LONRF1: variants seen among roughly 807,000 people sequenced by gnomAD.
LONRF1 encodes LON peptidase N-terminal domain and RING finger protein 1.
A neutral mutation model predicts 85.8 loss-of-function variants in LONRF1; 37 were observed. That is an observed-to-expected ratio of 0.43 (90% CI 0.33 to 0.57). LONRF1 has a LOEUF of 0.57. Among genes scored for constraint, LONRF1 ranks in the 20% least tolerant of loss-of-function variants. The pLI, the probability that LONRF1 is intolerant of heterozygous loss-of-function variation, is 0.04. For missense variants in LONRF1, 1,036 were observed against 978.0 expected (o/e 1.06, Z -0.79); for synonymous variants, 517 against 390.1 (o/e 1.33, Z -3.83).
chr8:12,749,482 C>G (rs1799293659), intron 1 of LONRF1, among the ~76,000 whole-genome samples: 1 of 152,128 alleles, frequency 6.6e-6, no homozygotes, highest in African/African-American at 2.4e-5. Flanking sequence ...TATACAAATT[C>G]ATTTAAAATT....
At chr8:12,734,448 G>C (rs1259233891) in intron 7 of LONRF1, among the ~76,000 whole-genome samples, 1 of 152,128 alleles carries the variant, frequency 6.6e-6, no homozygotes, top group African/African-American at 2.4e-5. Flanking sequence ...ACCAGAGACA[G>C]AATCACTTTC....
chr8:12,749,365 C>A (rs961714080), intron 1 of LONRF1, among the ~76,000 whole-genome samples: 14 of 152,094 alleles, frequency 9.2e-5, no homozygotes, highest in Non-Finnish European at 5.9e-5. Flanking sequence ...AAAGAAAAAA[C>A]CAAACAGAAG....
At chr8:12,724,695 CTGTTT>C (rs1806088293) in intron 11 of LONRF1, among the ~76,000 whole-genome samples, 1 of 152,180 alleles carries the variant, frequency 6.6e-6, no homozygotes, top group Non-Finnish European at 1.5e-5. Flanking sequence ...TTTCTATAAG[CTGTTT>C]TGTTATTTAA....
chr8:12,752,374 G>C (rs1020560247), intron 1 of LONRF1, among the ~76,000 whole-genome samples: 3 of 152,104 alleles, frequency 2.0e-5, no homozygotes, highest in Admixed American at 6.6e-5. Context: ...ACTCTAATTT[G>C]TTAGCTCTGA....
chr8:12,730,923 TTAAA>T (rs2117246618), intron 8 of LONRF1, among the ~76,000 whole-genome samples: 1 of 152,316 alleles, frequency 6.6e-6, no homozygotes, highest in East Asian at 1.9e-4. Flanking sequence ...CAAAAAGTTG[TTAAA>T]TAAAACAGCA....
At chr8:12,723,514 C>T (rs772083431) in intron 11 of LONRF1, among the ~76,000 whole-genome samples, 3 of 152,220 alleles carry the variant, frequency 2.0e-5, no homozygotes, top group African/African-American at 4.8e-5. Context: ...AGTCAACACA[C>T]GCTCTTTCCT....
Position 12,726,037 on chromosome 8 carries a change from T to C in LONRF1, c.2011-158A>G, listed in dbSNP as rs750694278. On this transcript the variant is annotated intron_variant, in intron 10 of 11. Coordinates refer to ENST00000398246, the MANE Select transcript of LONRF1 (RefSeq NM_152271.5). ...TATTATTCCTATGCTTTAATACACATTTCTGTCTCATATAGGGCTGACCAG... is the reference window on the plus strand; with the variant it reads ...TATTATTCCTATGCTTTAATACACACTTCTGTCTCATATAGGGCTGACCAG... 30 of 614,068 alleles carry C rather than the reference T, an allele frequency of 4.9e-5. No individual in the cohort carries two copies. The Middle Eastern group carries it at 3.6e-3, about 74-fold the overall frequency. 38.0% of individuals were successfully genotyped at this position (614,068 alleles called of 1,614,324 possible).
Position 12,754,779 on chromosome 8 carries a change from CG to C in LONRF1, c.641del (p.Ala214GlyfsTer32). ...WFPGQRERAR[A>X]AGRLGELLHQ... ...GCAGTAGCTCCCCGAGCCTGCCGGC[CG>C]CCCGGGCCCGCTCGCGCTGGCCCGG... is the stretch of plus-strand genomic sequence containing the variant. On this transcript the variant is annotated frameshift_variant, in exon 1 of 12. Coordinates refer to ENST00000398246, the MANE Select transcript of LONRF1 (RefSeq NM_152271.5). LOFTEE classifies it high-confidence loss of function. 1 of 1,474,008 alleles carries C rather than the reference CG, an allele frequency of 6.8e-7. No homozygotes were observed. The highest frequency in any genetic ancestry group is 8.9e-7 in the Non-Finnish European group (1 of 1,120,734). The allele number at this position is 1,474,008 out of a possible 1,614,324, so 91.3% of individuals were successfully genotyped here. A position where few individuals can be genotyped will look rare whatever the true frequency, so the allele number is the denominator to read the frequency against.
intron 1 of LONRF1, among the ~76,000 whole-genome samples, chr8:12,746,333 C>A (rs559107483): frequency 6.6e-6 from 1 of 152,212 alleles, no homozygotes; most frequent in African/African-American, 2.4e-5. Context: ...CCTTCCCACT[C>A]ACTCAAAGTC....
rs1798606962 is a variant in LONRF1, at chr8:12,733,533, G to C, written c.1567-1676C>G. ...TTTTCTTTCAAGTTTTTCTTCCATT[G>C]TCACCCACTACTGAGTAGAGGAGCA... On this transcript the variant is annotated intron_variant, in intron 7 of 11. Transcript: ENST00000398246. Among the ~76,000 whole-genome samples the C allele has an allele frequency of 2.0e-5, 3 of 152,116 alleles. No homozygotes were observed. The South Asian group carries it at 6.2e-4, about 32-fold the overall frequency.
chr8:12,738,971 A>C (rs1394140776), intron 3 of LONRF1, among the ~76,000 whole-genome samples: 2 of 152,208 alleles, frequency 1.3e-5, no homozygotes, highest in African/African-American at 4.8e-5. Context: ...TGGAAATATA[A>C]ACAATGTAGA....
intron 10 of LONRF1, 74 bp from the exon 11 acceptor site, chr8:12,725,953 T>A: frequency 7.1e-7 from 1 of 1,399,734 alleles, no homozygotes; most frequent in Admixed American, 1.9e-5. Context: ...CCGACACAAA[T>A]GGAAAAAGGG....
intron 6 of LONRF1, 138 bp downstream of exon 6, chr8:12,736,563 C>A: frequency 1.6e-6 from 1 of 616,262 alleles, no homozygotes; most frequent in Non-Finnish European, 2.7e-6. Context: ...AAGGTAAACC[C>A]AGGACTAAAA....
chr8:12,749,116 A>G (rs1799278574), intron 1 of LONRF1, among the ~76,000 whole-genome samples: 1 of 152,268 alleles, frequency 6.6e-6, no homozygotes, highest in South Asian at 2.1e-4. Flanking sequence ...AACCTAAGAC[A>G]TACATGCTCC....
chr8:12,755,368 G>T lies in LONRF1; in HGVS notation c.53C>A (p.Ala18Asp). 1.7e-6 allele frequency: 2 copies of T among 1,208,570 alleles called. No homozygotes were observed. Among genetic ancestry groups the T allele is most frequent in the South Asian group, 6.2e-5 (2 of 32,336 alleles). 74.9% of individuals were successfully genotyped at this position (1,208,570 alleles called of 1,614,324 possible). ...CCGGCCTCGGCCCTGCGGCGCTGGG[G>T]CCATCTCCCGACTCCCTCCTGGGGA... ...RTSPGGSREM[A>D]PAPQGRGRFW... is the part of the protein sequence containing the mutation. Residue 18 changes from alanine to aspartate, a missense_variant, in exon 1 of 12, where the codon GCC becomes GAC. Transcript: ENST00000398246.
At chr8:12,737,381 A>G (rs1219629856) in intron 4 of LONRF1, 1 of 646,932 alleles carries the variant, frequency 1.5e-6, no homozygotes, top group Admixed American at 2.1e-5. Context: ...AAAATATTCT[A>G]AAAAAAAGCC....
rs571929346 is a variant in LONRF1 at position 12,739,560 on chromosome 8, C to T, written c.963+1314G>A. On this transcript the variant is annotated intron_variant, in intron 3 of 11. Coordinates refer to ENST00000398246, the MANE Select transcript of LONRF1 (RefSeq NM_152271.5). ...CTGTTTTGATTGGGATGCTGTTACA[C>T]AGGTACATACATTTTTCAAAACTCA... 3.3e-5 allele frequency among the ~76,000 whole-genome samples: 5 copies of T among 152,222 alleles called. No individual in the cohort carries two copies. In the South Asian group the frequency reaches 1.0e-3, roughly 32 times the overall value.
chr8:12,747,510 C>G (rs1423247950), intron 1 of LONRF1, among the ~76,000 whole-genome samples: 1 of 152,114 alleles, frequency 6.6e-6, no homozygotes, highest in African/African-American at 2.4e-5. Flanking sequence ...AAAAAATTAG[C>G]ACAAATTTAA....
At position 12,725,326 on chromosome 8, in the gene LONRF1, G is replaced by A. The variant is rs547273127; in HGVS notation, c.2163+401C>T. ...TGAGAAAAGATGTTTCAAATGTATA[G>A]AAAATGGTAAGTCTCTCTGCTGTCA... is the stretch of plus-strand genomic sequence containing the variant. On this transcript the variant is annotated intron_variant, in intron 11 of 11. Transcript: ENST00000398246. Among the ~76,000 whole-genome samples the A allele has an allele frequency of 2.6e-5, 4 of 152,332 alleles. No individual in the cohort carries two copies. The East Asian group carries it at 7.7e-4, about 29-fold the overall frequency.
Sources: allele counts gnomAD v4.1 joint callset (sites outside exome capture counted in the v4.1 genomes callset), GRCh38; gene constraint gnomAD v4.1.1; transcripts MANE v1.5; gene names NCBI Gene and HGNC (gene_info 2026-07-23, HGNC 2026-07-21).